ITGAL: variants seen among roughly 807,000 people sequenced by gnomAD.
ITGAL encodes integrin subunit alpha L.
A neutral mutation model predicts 138.4 loss-of-function variants in ITGAL; 68 were observed. The ratio of observed to expected loss-of-function variants is 0.49; its 90% CI spans 0.40 to 0.60. The LOEUF is 0.60. Among genes scored for constraint, ITGAL ranks in the 20% least tolerant of loss-of-function variants. ITGAL has a pLI of 0.00. For synonymous variants in ITGAL, 561 were observed against 584.3 expected, an observed-to-expected ratio of 0.96 and a Z score of 0.57; for missense variants, 1,256 against 1,478.6, an observed-to-expected ratio of 0.85 and a Z score of 2.47.
intron 20 of ITGAL, among the ~76,000 whole-genome samples, 138 bp from the exon 21 acceptor site, chr16:30,506,558 CAAAAAAAAAAAAAAAAAAA>C (rs57722064): frequency 8.3e-5 from 4 of 47,912 alleles, no homozygotes; most frequent in African/African-American, 1.7e-4. Flanking sequence ...GACTCCATCT[CAAAAAAAAAAAAAAAAAAA>C]AAAAAAAAAA....
In ITGAL at chr16:30,519,850, C is replaced by T. The variant is rs1019267601; in HGVS notation, c.3229-7C>T. On this transcript the variant is annotated splice_region_variant and splice_polypyrimidine_tract_variant and intron_variant, in intron 29 of 30. Coordinates refer to ENST00000356798, the MANE Select transcript of ITGAL (RefSeq NM_002209.3). The stretch of plus-strand genomic sequence containing the variant: ...ATTTTCCGGCACTCCCCTCCCCCTG[C>T]TCCCAGGTTGTCATGAAGGTTGACG... 6.2e-7 allele frequency: 1 copy of T among 1,601,150 alleles called. No homozygotes were observed. The highest frequency in any genetic ancestry group is 8.6e-7 in the Non-Finnish European group (1 of 1,168,186).
At chr16:30,498,306 C>T (rs1185062166) in intron 15 of ITGAL, among the ~76,000 whole-genome samples, 1 of 151,290 alleles carries the variant, frequency 6.6e-6, no homozygotes, top group Non-Finnish European at 1.5e-5. Context: ...GGGGCTCACT[C>T]CCGTAATCCC....
At chr16:30,513,535 C>T (rs947717371) in intron 24 of ITGAL, among the ~76,000 whole-genome samples, 1 of 152,210 alleles carries the variant, frequency 6.6e-6, no homozygotes, top group Non-Finnish European at 1.5e-5. Flanking sequence ...AGGACATAGC[C>T]TCCACTGGAC....
At position 30,474,275 on chromosome 16, in the gene ITGAL, C is replaced by T. The variant is rs1382549975; in HGVS notation, c.141C>T (p.Tyr47=). 6.2e-7 allele frequency: 1 copy of T among 1,607,862 alleles called. No individual in the cohort carries two copies. ...CGCGCGCCGGGAGGCACTTTGGATA[C>T]CGCGTCCTGCAGGTCGGAAACGGGT... is the stretch of plus-strand genomic sequence containing the variant. ...SPPRAGRHFG[Y]RVLQVGNGVI... Residue 47 remains tyrosine, a synonymous_variant, in exon 2 of 31, where the codon TAC becomes TAT. Transcript: ENST00000356798.
Position 30,517,050 on chromosome 16 carries a change from C to T in ITGAL, c.2940C>T (p.Ser980=), listed in dbSNP as rs761222887. 24 of 1,612,784 alleles carry T rather than the reference C, an allele frequency of 1.5e-5. No homozygotes were observed. The Admixed American group carries it at 2.0e-4, about 13-fold the overall frequency. ...TGGTTGGGGTGCCACAGCCTCCCAG[C>T]GAGGGGCCCATCACACACCAGTGGA... ...EAVVGVPQPP[S]EGPITHQWSV... Residue 980 remains serine, a synonymous_variant, in exon 26 of 31, where the codon AGC becomes AGT. Coordinates refer to ENST00000356798, the MANE Select transcript of ITGAL (RefSeq NM_002209.3).
intron 4 of ITGAL, among the ~76,000 whole-genome samples, chr16:30,477,898 GGAAA>G (rs2050494308): frequency 6.7e-6 from 1 of 149,056 alleles, no homozygotes; most frequent in African/African-American, 2.5e-5. Context: ...AAGAAAGCAA[GGAAA>G]GAAAGCAAGA....
intron 24 of ITGAL, among the ~76,000 whole-genome samples, 165 bp from the exon 25 acceptor site, chr16:30,513,606 G>A (rs571228755): frequency 6.6e-6 from 1 of 152,288 alleles, no homozygotes; most frequent in East Asian, 1.9e-4. Flanking sequence ...CAAGAGGCTG[G>A]CCCTGTCCAG....
chr16:30,474,860 CTTTT>C (rs58194640), intron 2 of ITGAL, among the ~76,000 whole-genome samples: 1 of 114,420 alleles, frequency 8.7e-6, no homozygotes, highest in Admixed American at 9.7e-5. Context: ...TTTTTTTTTT[CTTTT>C]TTTTTTTTTT....
At chr16:30,496,002 A>G in intron 13 of ITGAL, 95 bp from the exon 14 acceptor site, 1 of 1,009,570 alleles carries the variant, frequency 9.9e-7, no homozygotes, top group Non-Finnish European at 1.6e-6. Context: ...TCTGTGAGGG[A>G]CCCCATCTTA....
chr16:30,475,270 G>A (rs757762255), intron 2 of ITGAL, 36 bp from the exon 3 acceptor site: 1 of 1,489,638 alleles, frequency 6.7e-7, no homozygotes, highest in Non-Finnish European at 9.3e-7. Flanking sequence ...GTACAGATCT[G>A]GGCCACTCCC....
intron 21 of ITGAL, among the ~76,000 whole-genome samples, chr16:30,507,456 TCAAAAAAAAAA>T (rs1324605969): frequency 9.3e-6 from 1 of 107,510 alleles, no homozygotes. Flanking sequence ...AAACTCCGTC[TCAAAAAAAAAA>T]CAAAAAAAAA....
intron 6 of ITGAL, 31 bp downstream of exon 6, chr16:30,479,492 A>G (rs766323553): frequency 1.0e-5 from 16 of 1,602,094 alleles, no homozygotes; most frequent in Non-Finnish European, 1.3e-5. Context: ...TCTTGGTTGC[A>G]TGCAATAGAT....
chr16:30,487,004 G>A (rs944786769), intron 9 of ITGAL, among the ~76,000 whole-genome samples: 1 of 151,810 alleles, frequency 6.6e-6, no homozygotes, highest in African/African-American at 2.4e-5. Context: ...TTAGCCAGGC[G>A]TGGTGGCGGG....
At position 30,472,872 on chromosome 16, in the gene ITGAL, C is replaced by T. The variant is rs201096086; in HGVS notation, c.35C>T (p.Ala12Val). 60 of 1,612,986 alleles carry T rather than the reference C, an allele frequency of 3.7e-5. No individual in the cohort carries two copies. Among genetic ancestry groups the T allele is most frequent in the Non-Finnish European group, 4.7e-5 (56 of 1,179,802 alleles). The part of the protein sequence containing the change: ...KDSCITVMAM[A>V]LLSGFFFFAP... The stretch of plus-strand genomic sequence containing the variant: ...TCCTGCATCACTGTGATGGCCATGG[C>T]GCTGCTGTCTGGGTTCTTTTTCTTC... Residue 12 changes from alanine to valine, a missense_variant, in exon 1 of 31, where the codon GCG (alanine) becomes GTG (valine). Ala to Val is a moderately conservative substitution (Grantham distance 64). Coordinates refer to ENST00000356798, the MANE Select transcript of ITGAL (RefSeq NM_002209.3).
At chr16:30,488,999 C>A in intron 9 of ITGAL, 83 bp from the exon 10 acceptor site, 1 of 1,147,548 alleles carries the variant, frequency 8.7e-7, no homozygotes, top group Non-Finnish European at 1.3e-6. Flanking sequence ...GTAAATACCT[C>A]ACTTCTTCCC....
chr16:30,516,881 G>A (rs1017196625), intron 25 of ITGAL, 92 bp from the exon 26 acceptor site: 8 of 875,894 alleles, frequency 9.1e-6, no homozygotes, highest in Non-Finnish European at 1.6e-5. Flanking sequence ...AGCCAATGAG[G>A]ACTGGAAGAG....
At chr16:30,518,280 T>C (rs1487729147) in intron 28 of ITGAL, among the ~76,000 whole-genome samples, 1 of 151,986 alleles carries the variant, frequency 6.6e-6, no homozygotes, top group Non-Finnish European at 1.5e-5. Flanking sequence ...AAACCCTGTC[T>C]GTACTAAAAA....
intron 20 of ITGAL, among the ~76,000 whole-genome samples, chr16:30,505,692 G>T (rs1317914364): frequency 6.6e-6 from 1 of 151,946 alleles, no homozygotes; most frequent in Non-Finnish European, 1.5e-5. Context: ...GACCAGCTAT[G>T]GGAAACATAG....
intron 17 of ITGAL, 52 bp downstream of exon 17, chr16:30,499,541 T>C (rs764056692): frequency 6.3e-7 from 1 of 1,578,432 alleles, no homozygotes; most frequent in Admixed American, 1.7e-5. Flanking sequence ...AGGGGCAGGC[T>C]CAGCTCCGTC....
Sources: allele counts gnomAD v4.1 joint callset (sites outside exome capture counted in the v4.1 genomes callset), GRCh38; gene constraint gnomAD v4.1.1; transcripts MANE v1.5; gene names NCBI Gene and HGNC (gene_info 2026-07-23, HGNC 2026-07-21).